Variants in PERM1 observed in about 807,000 individuals in gnomAD.
The protein encoded by PERM1 is PGC-1 and ERR-induced regulator in muscle protein 1.
PERM1 carries 45 observed loss-of-function variants against 44.1 expected under a neutral mutation model. The observed-to-expected ratio is 1.02, with a 90% CI of 0.80 to 1.31. The LOEUF is 1.31. Ranked by LOEUF, PERM1 falls within the 50% of genes most tolerant of loss-of-function variation. PERM1 has a pLI of 0.00. For missense variants in PERM1, 1,189 were observed against 1,106.9 expected (o/e 1.07, Z -1.05); for synonymous variants, 565 against 477.1 (o/e 1.18, Z -2.40).
intron 1 of PERM1, 54 bp downstream of exon 2, chr1:978,827 C>G (rs895785508): frequency 2.5e-5 from 35 of 1,425,828 alleles, no homozygotes; most frequent in South Asian, 6.0e-5. Flanking sequence ...GCCAAGATCC[C>G]TGGACAGTGT....
At chr1:980,940 G>A (rs935345350) in exon 1 of PERM1, 46 of 1,434,808 alleles carry the variant, frequency 3.2e-5, no homozygotes, top group East Asian at 1.1e-4. Context: ...AGGCCAGGCC[G>A]GCCTGCAGGA....
At chr1:975,209 G>T (rs1443805892) in exon 3 of PERM1, 1 of 152,580 alleles carries the variant, frequency 6.6e-6, no homozygotes, top group African/African-American at 2.4e-5. Flanking sequence ...AAAAAGAAAA[G>T]ATAGAATTTT....
At chr1:976,667 G>C in intron 1 of PERM1, 43 bp from the exon 3 acceptor site, 1 of 1,546,982 alleles carries the variant, frequency 6.5e-7, no homozygotes, top group East Asian at 2.5e-5. Context: ...TGCACTCAGA[G>C]ATGGCCCCGC....
chr1:981,973 C>A, upstream of PERM1: 1 of 1,104,670 alleles, frequency 9.1e-7, no homozygotes, highest in South Asian at 1.4e-5. Context: ...CACTGACCTT[C>A]GCCCTCCTCT....
At chr1:975,903 A>G (rs1393834214) in exon 3 of PERM1, 2 of 482,534 alleles carry the variant, frequency 4.1e-6, no homozygotes, top group Non-Finnish European at 7.3e-6. Context: ...CTGTGTTCTC[A>G]TCTGTGAATC....
At chr1:981,216 C>T (rs890232219), upstream of PERM1, 4 of 1,527,158 alleles carry the variant, frequency 2.6e-6, no homozygotes, top group African/African-American at 4.2e-5. Context: ...GGCCGCGCTT[C>T]CTTCAAACCT....
At position 978,883 on chromosome 1, in the gene PERM1, G is replaced by T. The variant is rs544777665; in HGVS notation, c.2147C>A (p.Ala716Glu). 8 of 1,483,694 alleles carry T rather than the reference G, an allele frequency of 5.4e-6. No individual in the cohort carries two copies. In the African/African-American group the frequency reaches 8.5e-5, roughly 16 times the overall value. The allele number at this position is 1,483,694 out of a possible 1,614,324, so 91.9% of individuals were successfully genotyped here. ...CTGTGGGATCCGAGAGCACGTACCT[G>T]CCCGTCTAAGAGCCAGGTGGAGCCG... The change falls in exon 1 of 3, where the codon GCA (alanine) becomes GAA (glutamate). Residue 716 changes from alanine to glutamate, a missense_variant and splice_region_variant. Transcript: ENST00000433179.
intron 2 of PERM1, 106 bp from the exon 4 acceptor site, chr1:976,375 C>T: frequency 1.3e-6 from 2 of 1,494,756 alleles, no homozygotes; most frequent in Non-Finnish European, 1.8e-6. Context: ...CGGCCAGGGC[C>T]GCAGCTCAGC....
intron 1 of PERM1, 86 bp downstream of exon 2, chr1:978,795 G>A (rs937132128): frequency 1.9e-5 from 24 of 1,280,638 alleles, no homozygotes; most frequent in South Asian, 5.1e-5. Flanking sequence ...CGGCCTGCCC[G>A]GCCCCTGCGG....
exon 1 of PERM1, chr1:979,860 G>A: frequency 1.3e-6 from 2 of 1,549,170 alleles, no homozygotes; most frequent in Non-Finnish European, 1.7e-6. Context: ...GTGGCTTGGA[G>A]ATGGGTGTAG....
chr1:978,429 GC>G (rs1238534899), intron 1 of PERM1, among the ~76,000 whole-genome samples: 2 of 152,130 alleles, frequency 1.3e-5, no homozygotes, highest in African/African-American at 2.4e-5. Context: ...GAGTCACATC[GC>G]CCCCGTGCTT....
At chr1:978,362 C>G (rs1643683783) in intron 1 of PERM1, among the ~76,000 whole-genome samples, 2 of 150,132 alleles carry the variant, frequency 1.3e-5, no homozygotes, top group African/African-American at 4.9e-5. Context: ...TTCCTGAGAA[C>G]TGGTTGCCCC....
exon 3 of PERM1, chr1:976,094 C>T (rs887022811): frequency 5.7e-6 from 8 of 1,402,594 alleles, no homozygotes; most frequent in South Asian, 4.1e-5. Context: ...AGGGCCCGGG[C>T]GAGGGCGGCA....
Position 979,645 on chromosome 1 carries a change from G to A in PERM1, c.1385C>T (p.Thr462Ile), listed in dbSNP as rs541767076. The stretch of plus-strand genomic sequence containing the variant: ...CACCACATCAGGCCCAGCTCTGCGG[G>A]TGGGAGGCCAGGCGAGGCCAGCGGC... The change falls in exon 1 of 3, where the codon ACC becomes ATC. Residue 462 changes from threonine to isoleucine, a missense_variant. Physicochemically the swap from Thr to Ile is moderately conservative, Grantham distance 89 (BLOSUM62 -1). Coordinates refer to ENST00000433179, the Ensembl canonical transcript of PERM1. 1,195 of 1,550,276 alleles carry A rather than the reference G, an allele frequency of 7.7e-4. 1 individual carries two copies. Among genetic ancestry groups the A allele is most frequent in the Non-Finnish European group, 9.9e-4 (1,141 of 1,146,922 alleles).
At chr1:975,232 TC>T (rs1643555185) in exon 3 of PERM1, 1 of 152,544 alleles carries the variant, frequency 6.6e-6, no homozygotes, top group African/African-American at 2.4e-5. Flanking sequence ...TGGTGCTGCA[TC>T]CATGTGTTCT....
exon 1 of PERM1, chr1:980,064 C>T (rs748012761): frequency 1.9e-5 from 30 of 1,549,226 alleles, no homozygotes; most frequent in Admixed American, 5.9e-5. Context: ...TGTCAGATTG[C>T]GGCTCGGAGG....
exon 1 of PERM1, chr1:979,334 C>A: frequency 6.6e-7 from 1 of 1,525,124 alleles, no homozygotes; most frequent in Non-Finnish European, 8.8e-7. Flanking sequence ...CTCGTCACGG[C>A]AGAGGGAGGG....
chr1:979,141 C>T lies in PERM1; in HGVS notation c.1889G>A (p.Arg630Gln), dbSNP rs72891183. ...CGGGAGCGGCTCCGGGGACCCCCGC[C>T]GCCTCGACCTCTGGGCTCCAACGTC... The change falls in exon 1 of 3, where the codon CGG (arginine) becomes CAG (glutamine). Residue 630 changes from arginine to glutamine, a missense_variant. Coordinates refer to ENST00000433179, the Ensembl canonical transcript of PERM1. 7.3e-4 allele frequency: 1,130 copies of T among 1,550,016 alleles called. 1 individual carries two copies. Among genetic ancestry groups the T allele is most frequent in the African/African-American group, 2.0e-3 (148 of 73,146 alleles).
chr1:976,140 C>T (rs1643592960), exon 3 of PERM1: 1 of 1,542,996 alleles, frequency 6.5e-7, no homozygotes, highest in East Asian at 2.5e-5. Flanking sequence ...GTCGTCTCCT[C>T]ATCCTGCATC....
Sources: gnomAD v4.1 joint callset for allele counts (sites outside exome capture counted in the v4.1 genomes callset) on GRCh38, gnomAD v4.1.1 for gene constraint, MANE v1.5 for transcripts, NCBI Gene and HGNC (gene_info 2026-07-23, HGNC 2026-07-21) for gene names.